The following FNDC1 variants were observed in gnomAD, a reference collection of about 807,000 sequenced individuals.
The protein encoded by FNDC1 is fibronectin type III domain containing 1, also known as fibronectin type III domain-containing protein 1.
Under a neutral mutation model 168.0 loss-of-function variants are expected in FNDC1, and 96 were observed. The observed-to-expected ratio is 0.57, with a 90% confidence interval of 0.48 to 0.68. FNDC1 has a LOEUF of 0.68. Among genes scored for constraint, FNDC1 ranks in the 30% least tolerant of loss-of-function variants. The pLI is 0.00. For missense variants in FNDC1, 2,587 were observed against 2,482.1 expected (o/e 1.04, Z -0.90); for synonymous variants, 1,099 against 1,025.9 (o/e 1.07, Z -1.36).
chr6:159,235,808 T>C (rs1783239262), intron 11 of FNDC1, among the ~76,000 whole-genome samples: 1 of 152,206 alleles, frequency 6.6e-6, no homozygotes, highest in African/African-American at 2.4e-5. Context: ...CTGTGTTTAG[T>C]TTAACATCCC....
At chr6:159,201,242 A>T (rs1286100206) in intron 4 of FNDC1, among the ~76,000 whole-genome samples, 1 of 152,238 alleles carries the variant, frequency 6.6e-6, no homozygotes, top group Non-Finnish European at 1.5e-5. Context: ...TATGGTGAGG[A>T]GCTGTGTTTT....
At chr6:159,188,012 G>A (rs1352352860) in intron 1 of FNDC1, among the ~76,000 whole-genome samples, 1 of 152,202 alleles carries the variant, frequency 6.6e-6, no homozygotes, top group Non-Finnish European at 1.5e-5. Context: ...GGTCCAAGAT[G>A]TGGTTACACT....
chr6:159,200,693 C>T (rs1418806800), intron 4 of FNDC1, 112 bp downstream of exon 4: 5 of 778,354 alleles, frequency 6.4e-6, no homozygotes, highest in South Asian at 3.5e-5. Context: ...GAGTTCCCAT[C>T]GCTAAACTAA....
At chr6:159,215,717 A>G (rs969078927) in intron 5 of FNDC1, among the ~76,000 whole-genome samples, 2 of 152,286 alleles carry the variant, frequency 1.3e-5, no homozygotes, top group African/African-American at 4.8e-5. Flanking sequence ...CAGGTTCCCA[A>G]ACTGAAGAAC....
Position 159,251,562 on chromosome 6 carries a change from A to G in FNDC1, c.5065+30A>G, listed in dbSNP as rs771380520. Reference sequence around the variant, plus strand: ...GTCCTAAGCAGAAATCAGAGTTCCCATGATCTGTAGGTGGGAAATGTGGAC... The same window carrying G: ...GTCCTAAGCAGAAATCAGAGTTCCCGTGATCTGTAGGTGGGAAATGTGGAC... On this transcript the variant is annotated intron_variant, in intron 17 of 22. Coordinates refer to ENST00000297267, the MANE Select transcript of FNDC1 (RefSeq NM_032532.3). The G allele has an allele frequency of 3.2e-6, 5 of 1,583,504 alleles. No individual in the cohort carries two copies. The African/African-American group carries it at 6.7e-5, about 21-fold the overall frequency.
chr6:159,224,050 G>C (rs892173572), intron 7 of FNDC1, among the ~76,000 whole-genome samples: 1 of 152,222 alleles, frequency 6.6e-6, no homozygotes, highest in Admixed American at 6.5e-5. Flanking sequence ...AAGAGTCACT[G>C]TTAGATGGAC....
chr6:159,199,967 G>A, intron 2 of FNDC1, 29 bp from the exon 3 acceptor site: 6 of 1,565,276 alleles, frequency 3.8e-6, no homozygotes, highest in Non-Finnish European at 5.2e-6. Context: ...GATCTGAATT[G>A]GTGGCTTGAT....
intron 22 of FNDC1, among the ~76,000 whole-genome samples, chr6:159,270,038 A>C (rs1777709712): frequency 6.6e-6 from 1 of 152,096 alleles, no homozygotes; most frequent in Non-Finnish European, 1.5e-5. Context: ...AAAAGTAAAA[A>C]AATTATCCAG....
intron 14 of FNDC1, among the ~76,000 whole-genome samples, chr6:159,242,435 C>T (rs1489248257): frequency 2.0e-5 from 3 of 152,168 alleles, no homozygotes; most frequent in Non-Finnish European, 2.9e-5. Context: ...CACCATGGCA[C>T]ATGTTTACCT....
intron 4 of FNDC1, among the ~76,000 whole-genome samples, chr6:159,205,205 TATGAAAAC>T (rs1782462369): frequency 6.6e-6 from 1 of 152,196 alleles, no homozygotes; most frequent in Non-Finnish European, 1.5e-5. Context: ...ACAATGAAAC[TATGAAAAC>T]ATGAAAAAAC....
intron 2 of FNDC1, among the ~76,000 whole-genome samples, chr6:159,198,912 A>G (rs973700864): frequency 2.0e-5 from 3 of 152,232 alleles, no homozygotes; most frequent in African/African-American, 7.2e-5. Context: ...CCTGAATGCC[A>G]CCAGGCCCTG....
At chr6:159,179,527 T>A (rs1031428265) in intron 1 of FNDC1, among the ~76,000 whole-genome samples, 2 of 152,186 alleles carry the variant, frequency 1.3e-5, no homozygotes, top group African/African-American at 4.8e-5. Flanking sequence ...TTGTGCAACA[T>A]CTTCTCAAGA....
chr6:159,226,615 T>G (rs1293822906), intron 9 of FNDC1, 35 bp downstream of exon 9: 2 of 1,480,280 alleles, frequency 1.4e-6, no homozygotes, highest in South Asian at 2.5e-5. Context: ...TAAGATGCAT[T>G]GATTCTGATG....
At chr6:159,192,371 C>A (rs1782159331) in intron 1 of FNDC1, among the ~76,000 whole-genome samples, 1 of 152,242 alleles carries the variant, frequency 6.6e-6, no homozygotes, top group Admixed American at 6.5e-5. Context: ...GTTTTCTCAG[C>A]ATGATTTCTT....
At chr6:159,180,718 T>G (rs1346297386) in intron 1 of FNDC1, among the ~76,000 whole-genome samples, 1 of 152,114 alleles carries the variant, frequency 6.6e-6, no homozygotes, top group African/African-American at 2.4e-5. Flanking sequence ...TACTTATAAG[T>G]GAGAACATGC....
At chr6:159,201,938 C>A (rs1338907821) in intron 4 of FNDC1, among the ~76,000 whole-genome samples, 2 of 151,966 alleles carry the variant, frequency 1.3e-5, no homozygotes, top group Non-Finnish European at 2.9e-5. Flanking sequence ...TTTCTTATGC[C>A]CTCTTTAATA....
At position 159,236,252 on chromosome 6, in the gene FNDC1, T is replaced by C. The variant is rs1338438284; in HGVS notation, c.4005T>C (p.Leu1335=). 6.2e-7 allele frequency: 1 copy of C among 1,613,848 alleles called. No individual in the cohort carries two copies. The highest frequency in any genetic ancestry group is 2.2e-5 in the East Asian group (1 of 44,868). Residue 1335 remains leucine, a synonymous_variant, in exon 12 of 23, where the codon CTT becomes CTC. Transcript: ENST00000297267. ...NGRPNVEGKV[L]PGSNGKPNGQ... The stretch of plus-strand genomic sequence containing the variant: ...GACCAAATGTAGAAGGGAAAGTCCT[T>C]CCTGGTAGTAATGGAAAACCGAATG...
chr6:159,185,074 G>C (rs561452315), intron 1 of FNDC1, among the ~76,000 whole-genome samples: 2 of 97,590 alleles, frequency 2.0e-5, no homozygotes, highest in Non-Finnish European at 3.8e-5. Flanking sequence ...GGGTGGGGGG[G>C]GGGGAATCTT....
At chr6:159,250,071 T>C (rs922850041) in intron 16 of FNDC1, among the ~76,000 whole-genome samples, 2 of 152,222 alleles carry the variant, frequency 1.3e-5, no homozygotes, top group African/African-American at 4.8e-5. Context: ...GGCAGTTCCA[T>C]GACGGGAATT....
Sources: gnomAD v4.1 joint callset for allele counts (sites outside exome capture counted in the v4.1 genomes callset) on GRCh38, gnomAD v4.1.1 for gene constraint, MANE v1.5 for transcripts, NCBI Gene and HGNC (gene_info 2026-07-23, HGNC 2026-07-21) for gene names.